The following KIAA1217 variants were observed in gnomAD, a reference collection of about 807,000 sequenced individuals.
KIAA1217 encodes the protein sickle tail protein homolog.
Under a neutral mutation model 163.9 loss-of-function variants are expected in KIAA1217, and 88 were observed. The ratio of observed to expected loss-of-function variants is 0.54; its 90% confidence interval spans 0.45 to 0.64. KIAA1217 has a LOEUF of 0.64. Among genes scored for constraint, KIAA1217 ranks in the 30% least tolerant of loss-of-function variants. KIAA1217 has a pLI of 0.00. For synonymous variants in KIAA1217, 903 were observed against 923.1 expected (o/e 0.98, Z 0.39); for missense variants, 2,372 against 2,475.0 (o/e 0.96, Z 0.88).
At chr10:23,896,805 A>G (rs1841726322) in intron 1 of KIAA1217, among the ~76,000 whole-genome samples, 1 of 152,070 alleles carries the variant, frequency 6.6e-6, no homozygotes, top group Non-Finnish European at 1.5e-5. Flanking sequence ...AAGTTTGTTA[A>G]GAGCTGGCTT....
intron 12 of KIAA1217, among the ~76,000 whole-genome samples, chr10:24,523,751 G>C (rs943735825): frequency 6.6e-6 from 1 of 152,166 alleles, no homozygotes; most frequent in Admixed American, 6.5e-5. Flanking sequence ...ACACAGATCT[G>C]ACACCAGACA....
chr10:24,215,432 A>T lies in KIAA1217; in HGVS notation c.71-4194A>T, dbSNP rs1365189412. Among the ~76,000 whole-genome samples, 4 of 152,328 alleles carry T rather than the reference A, an allele frequency of 2.6e-5. No individual in the cohort carries two copies. The East Asian group carries it at 7.7e-4, about 29-fold the overall frequency. ...ACACCCATATTTAAATGTTAACACC[A>T]AAGCGCATTCCAAACAAGAAATCGA... is the stretch of plus-strand genomic sequence containing the variant. On this transcript the variant is annotated intron_variant, in intron 1 of 20. Transcript: ENST00000376454.
chr10:24,402,522 AC>A (rs1288257262), intron 3 of KIAA1217, among the ~76,000 whole-genome samples: 2,343 of 78,482 alleles, frequency 0.03, 190 homozygotes, highest in African/African-American at 0.11. Context: ...AAAACAAAAA[AC>A]AAAACAAAAA....
At chr10:24,193,153 G>A (rs779238472) in intron 2 of KIAA1217, among the ~76,000 whole-genome samples, 1 of 151,942 alleles carries the variant, frequency 6.6e-6, no homozygotes, top group Non-Finnish European at 1.5e-5. Context: ...TCCTGGGCTT[G>A]AGCGATCTTC....
intron 2 of KIAA1217, among the ~76,000 whole-genome samples, chr10:24,162,391 A>G (rs2065159958): frequency 2.6e-5 from 4 of 152,352 alleles, no homozygotes; most frequent in Middle Eastern, 3.4e-3. Flanking sequence ...AACAGCCGCC[A>G]TGAATCGTCC....
chr10:24,094,917 C>T (rs1263295289), intron 2 of KIAA1217, among the ~76,000 whole-genome samples: 1 of 152,192 alleles, frequency 6.6e-6, no homozygotes, highest in African/African-American at 2.4e-5. Context: ...GCTTTGTTTA[C>T]CTAAGCAAGC....
intron 2 of KIAA1217, among the ~76,000 whole-genome samples, chr10:24,147,823 ACT>A (rs1226409277): frequency 8.6e-6 from 1 of 116,642 alleles, no homozygotes; most frequent in Non-Finnish European, 1.7e-5. Context: ...ACAAAGTGAT[ACT>A]CTGTCTCAAA....
At chr10:24,067,251 GT>G (rs533946537) in intron 2 of KIAA1217, among the ~76,000 whole-genome samples, 1 of 152,150 alleles carries the variant, frequency 6.6e-6, no homozygotes, top group Non-Finnish European at 1.5e-5. Flanking sequence ...TTTCTGCTCT[GT>G]TTTTTCCCCA....
At chr10:23,932,560 T>A (rs974193531) in intron 1 of KIAA1217, among the ~76,000 whole-genome samples, 1 of 152,146 alleles carries the variant, frequency 6.6e-6, no homozygotes, top group African/African-American at 2.4e-5. Context: ...CTGGTAAAAA[T>A]TTAACATATA....
rs114631240 is a variant in KIAA1217, at chr10:24,411,781, C to T, written c.554-21214C>T. Among the ~76,000 whole-genome samples, 26 of 151,200 alleles carry T rather than the reference C, an allele frequency of 1.7e-4. No individual in the cohort carries two copies. In the East Asian group the frequency reaches 5.0e-3, roughly 29 times the overall value. On this transcript the variant is annotated intron_variant, in intron 3 of 20. Transcript: ENST00000376454. ...TCCAACATGACTTTTTTTTTTCATTCGTGTCATGGCTCTCATCTAATTGAA... is the reference window on the plus strand; with the variant it reads ...TCCAACATGACTTTTTTTTTTCATTTGTGTCATGGCTCTCATCTAATTGAA...
Position 24,527,716 on chromosome 10 carries a change from A to T in KIAA1217, c.2899-220A>T, listed in dbSNP as rs79170455. 0.21 allele frequency among the ~76,000 whole-genome samples: 31,213 copies of T among 151,916 alleles called. 3,311 individuals carry two copies. Among genetic ancestry groups the T allele is most frequent in the Non-Finnish European group, 0.21 (14,549 of 67,924 alleles). On this transcript the variant is annotated intron_variant, in intron 13 of 20. Coordinates refer to ENST00000376454, the MANE Select transcript of KIAA1217 (RefSeq NM_019590.5). ...AAATACTTTTAAAAGCATCTTTTTT[A>T]AAGTTCAGGGGTACAATTGCAGGTT...
chr10:24,178,420 G>A (rs943454667), intron 2 of KIAA1217, among the ~76,000 whole-genome samples: 1 of 152,236 alleles, frequency 6.6e-6, no homozygotes, highest in Non-Finnish European at 1.5e-5. Context: ...TAAACATGGT[G>A]AAACCAGGAC....
chr10:24,367,201 T>G, intron 2 of KIAA1217: 1 of 978,402 alleles, frequency 1.0e-6, no homozygotes, highest in Non-Finnish European at 1.2e-6. Context: ...TCTCAGCGAG[T>G]TAGTACTCTA....
intron 2 of KIAA1217, among the ~76,000 whole-genome samples, chr10:24,370,170 C>T (rs530840853): frequency 6.8e-6 from 1 of 147,668 alleles, no homozygotes; most frequent in Admixed American, 7.1e-5. Flanking sequence ...GAGGCTGAGG[C>T]AGGAGAATGG....
chr10:23,754,279 A>C (rs1833809865), intron 1 of KIAA1217, among the ~76,000 whole-genome samples: 1 of 152,242 alleles, frequency 6.6e-6, no homozygotes, highest in Non-Finnish European at 1.5e-5. Flanking sequence ...AGGAAAGGAA[A>C]GGGACATTTC....
chr10:24,486,439 C>T (rs12767001), intron 6 of KIAA1217, among the ~76,000 whole-genome samples: 2 of 152,180 alleles, frequency 1.3e-5, no homozygotes, highest in East Asian at 1.9e-4. Context: ...TCTGAAGTAT[C>T]CTGGTGTGGA....
At chr10:24,064,076 G>A (rs539412437) in intron 2 of KIAA1217, among the ~76,000 whole-genome samples, 1 of 152,316 alleles carries the variant, frequency 6.6e-6, no homozygotes, top group East Asian at 1.9e-4. Context: ...ACACAATCAT[G>A]TCATCTGCAA....
intron 1 of KIAA1217, among the ~76,000 whole-genome samples, chr10:23,697,045 G>A (rs1193739967): frequency 6.6e-6 from 1 of 152,188 alleles, no homozygotes; most frequent in Admixed American, 6.5e-5. Context: ...ACAAGTGTTT[G>A]TTTTCTATCT....
intron 9 of KIAA1217, among the ~76,000 whole-genome samples, chr10:24,504,165 A>G (rs1166371575): frequency 6.6e-6 from 1 of 152,106 alleles, no homozygotes; most frequent in Non-Finnish European, 1.5e-5. Flanking sequence ...GAAAAAGAGC[A>G]GTTTTCTTAA....
Sources: gnomAD v4.1 joint callset for allele counts (sites outside exome capture counted in the v4.1 genomes callset) on GRCh38, gnomAD v4.1.1 for gene constraint, MANE v1.5 for transcripts, NCBI Gene and HGNC (gene_info 2026-07-23, HGNC 2026-07-21) for gene names.